CDC20B: variants seen among roughly 807,000 people sequenced by gnomAD.
CDC20B encodes cell division cycle protein 20 homolog B.
In CDC20B, 58 loss-of-function variants were observed where a neutral mutation model predicts 64.1. That is an observed-to-expected ratio of 0.90 (90% CI 0.73 to 1.13). The LOEUF is 1.13. Among genes scored for constraint, CDC20B ranks in the 50% most tolerant of loss-of-function variants. The probability of loss-of-function intolerance (pLI) is 0.00; values close to 1 mark genes in which losing one functional copy is unlikely to be tolerated. For missense variants in CDC20B, 597 were observed against 633.0 expected, an observed-to-expected ratio of 0.94 and a Z score of 0.61; for synonymous variants, 243 against 230.6, an observed-to-expected ratio of 1.05 and a Z score of -0.49.
chr5:55,153,015 G>A (rs1433809452), intron 2 of CDC20B, among the ~76,000 whole-genome samples: 1 of 152,072 alleles, frequency 6.6e-6, no homozygotes, highest in Non-Finnish European at 1.5e-5. Context: ...AAGGCAGGTG[G>A]ATGGCTTGAG....
chr5:55,128,341 C>T, intron 7 of CDC20B, 80 bp downstream of exon 7: 1 of 1,074,200 alleles, frequency 9.3e-7, no homozygotes, highest in Non-Finnish European at 1.3e-6. Flanking sequence ...CTCTATTTTA[C>T]ATTAACTTGT....
chr5:55,166,587 C>T (rs1744400876), intron 2 of CDC20B: 1 of 152,168 alleles, frequency 6.6e-6, no homozygotes, highest in Non-Finnish European at 1.5e-5. Flanking sequence ...ACTCAAATGC[C>T]TCATAGGAAT....
intron 2 of CDC20B, among the ~76,000 whole-genome samples, chr5:55,162,912 G>C (rs1265009038): frequency 1.3e-5 from 2 of 152,198 alleles, no homozygotes; most frequent in Non-Finnish European, 2.9e-5. Flanking sequence ...CATGAGCTCT[G>C]GAGTAAAAGG....
rs1743080251 is a variant in CDC20B at position 55,133,469 on chromosome 5, C to T, written c.640G>A (p.Asp214Asn). 1.3e-6 allele frequency: 2 copies of T among 1,583,002 alleles called. No homozygotes were observed. Among genetic ancestry groups the T allele is most frequent in the Admixed American group, 1.7e-5 (1 of 59,134 alleles). The change falls in exon 6 of 12, where the codon GAT becomes AAT. Residue 214 changes from aspartate (D) to asparagine (N), a missense_variant. Transcript: ENST00000381375. ...TTCACCTCTGGTTGGAGTATGGAAT[C>T]GTTTATATCACCAGAACTTTTAAGA... is the stretch of plus-strand genomic sequence containing the variant. ...FHLKSSGDIN[D>N]SILQPEVKIH...
At chr5:55,120,283 A>G (rs1240794253) in intron 10 of CDC20B, 142 bp downstream of exon 10, 1 of 894,840 alleles carries the variant, frequency 1.1e-6, no homozygotes, top group Non-Finnish European at 1.7e-6. Flanking sequence ...TTTTTACAAT[A>G]AAAAGAAACT....
chr5:55,124,740 A>G (rs973301457), intron 9 of CDC20B, 63 bp downstream of exon 9: 58 of 1,322,156 alleles, frequency 4.4e-5, no homozygotes, highest in Non-Finnish European at 6.0e-5. Context: ...TTCTTTTTAT[A>G]TGTGAAGGAT....
At chr5:55,162,117 C>T (rs1377187938) in intron 2 of CDC20B, among the ~76,000 whole-genome samples, 6 of 146,010 alleles carry the variant, frequency 4.1e-5, no homozygotes, top group Non-Finnish European at 9.0e-5. Flanking sequence ...AAAAAAAGGC[C>T]GGGCGCGGTG....
chr5:55,161,361 C>T, intron 2 of CDC20B: 1 of 1,074,860 alleles, frequency 9.3e-7, no homozygotes, highest in South Asian at 1.6e-5. Flanking sequence ...ATCGGGAAAG[C>T]TTCATAAAAC....
chr5:55,126,237 A>C (rs1352366923), intron 8 of CDC20B: 1 of 153,098 alleles, frequency 6.5e-6, no homozygotes, highest in African/African-American at 2.4e-5. Flanking sequence ...GCGGTGGCTC[A>C]CACCTGTAAT....
At chr5:55,147,528 A>G (rs1743529651) in intron 2 of CDC20B, among the ~76,000 whole-genome samples, 1 of 148,680 alleles carries the variant, frequency 6.7e-6, no homozygotes, top group South Asian at 2.1e-4. Context: ...GTATTTTTAT[A>G]TATTTATGTG....
chr5:55,146,837 G>A lies in CDC20B; in HGVS notation c.146C>T (p.Ala49Val), dbSNP rs1390952412. The A allele has an allele frequency of 6.2e-7, 1 of 1,613,950 alleles. No homozygotes were observed. Among genetic ancestry groups the A allele is most frequent in the Non-Finnish European group, 8.5e-7 (1 of 1,179,928 alleles). ...GTTGCTCTTAAAGTCAGAATACGTA[G>A]CATTAACTGAATCGAGTACCTGTTT... ...DSANVLDSVN[A>V]TYSDFKSNFA... The change falls in exon 3 of 12, where the codon GCT (alanine) becomes GTT (valine). Residue 49 changes from alanine (A) to valine (V), a missense_variant. Physicochemically the swap from Ala to Val is moderately conservative, Grantham distance 64. Around this residue, in one of 3 missense-constraint regions of CDC20B, gnomAD observed 241 missense variants for 219.2 expected, o/e 1.10. Coordinates refer to ENST00000381375, the MANE Select transcript of CDC20B (RefSeq NM_001170402.1).
At chr5:55,141,495 T>C (rs1332922045) in intron 4 of CDC20B, among the ~76,000 whole-genome samples, 1 of 152,184 alleles carries the variant, frequency 6.6e-6, no homozygotes, top group Non-Finnish European at 1.5e-5. Context: ...TGAGCTTCTC[T>C]ATGTTGTGTC....
In CDC20B at chr5:55,121,495, T is replaced by A. The variant is rs567573644; in HGVS notation, c.1216-945A>T. Among the ~76,000 whole-genome samples, 4 of 152,262 alleles carry A rather than the reference T, an allele frequency of 2.6e-5. No individual in the cohort carries two copies. The East Asian group carries it at 7.7e-4, about 29-fold the overall frequency. On this transcript the variant is annotated intron_variant, in intron 9 of 11. Transcript: ENST00000381375. ...TTGATTTGTATTGGGTTGGGTTAAT[T>A]TTTTTTGGAAAGGAGTATTTTTTTT... is the stretch of plus-strand genomic sequence containing the variant.
Position 55,128,611 on chromosome 5 carries a change from T to C in CDC20B, c.704A>G (p.Asn235Ser). ...ATTCTGAAAACTCCAATCTAGGATA[T>C]TCAGATCTATAAGAAAAGCACTTCA... ...ITGLRNDYYL[N>S]ILDWSFQNLV... Residue 235 changes from asparagine (N) to serine (S), a missense_variant, in exon 7 of 12, where the codon AAT becomes AGT. Physicochemically the swap from Asn to Ser is conservative, Grantham distance 46. This residue lies in a region of CDC20B where 353 missense variants were observed against 397.0 expected (regional missense o/e 0.89). Coordinates refer to ENST00000381375, the MANE Select transcript of CDC20B (RefSeq NM_001170402.1). The C allele has an allele frequency of 6.4e-7, 1 of 1,550,882 alleles. No individual in the cohort carries two copies.
chr5:55,133,556 C>A, intron 5 of CDC20B, 28 bp from the exon 6 acceptor site: 1 of 908,960 alleles, frequency 1.1e-6, no homozygotes, highest in Non-Finnish European at 1.6e-6. Flanking sequence ...TTCTACACAG[C>A]TCTAAGATCC....
chr5:55,117,556 T>C (rs564476934), intron 11 of CDC20B, among the ~76,000 whole-genome samples: 13 of 152,136 alleles, frequency 8.5e-5, no homozygotes, highest in Non-Finnish European at 1.9e-4. Context: ...AAGACCCTGA[T>C]CCAGATCTCA....
chr5:55,158,926 T>A (rs1438501537), intron 2 of CDC20B, among the ~76,000 whole-genome samples: 1 of 151,832 alleles, frequency 6.6e-6, no homozygotes, highest in Non-Finnish European at 1.5e-5. Context: ...TTTTGCAGGG[T>A]TTGTTTGTTT....
chr5:55,117,435 TA>T (rs1472857898), intron 11 of CDC20B, among the ~76,000 whole-genome samples: 1 of 152,212 alleles, frequency 6.6e-6, no homozygotes. Flanking sequence ...ATAAGTTTCA[TA>T]AAATACTACT....
intron 5 of CDC20B, among the ~76,000 whole-genome samples, chr5:55,134,407 T>A (rs542709175): frequency 2.6e-5 from 4 of 152,010 alleles, no homozygotes; most frequent in Non-Finnish European, 4.4e-5. Context: ...TAAAAATACT[T>A]AGGCTTGCTG....
Sources: gnomAD v4.1 joint callset for allele counts (sites outside exome capture counted in the v4.1 genomes callset) on GRCh38, gnomAD v4.1.1 for gene constraint, gnomAD v4.1.1 regional missense constraint, MANE v1.5 for transcripts, NCBI Gene and HGNC (gene_info 2026-07-23, HGNC 2026-07-21) for gene names.